The following RPL10 variants were observed in gnomAD, a reference collection of about 807,000 sequenced individuals.
The protein encoded by RPL10 is large ribosomal subunit protein uL16.
Under a neutral mutation model 15.7 loss-of-function variants are expected in RPL10, and 1 was observed. The ratio of observed to expected loss-of-function variants is 0.06; its 90% CI spans 0.02 to 0.30. The LOEUF (loss-of-function observed/expected upper bound fraction) is 0.30. RPL10 is among the 10% of genes least tolerant of loss of function. The probability of loss-of-function intolerance (pLI) is 1.00; values close to 1 mark genes in which losing one functional copy is unlikely to be tolerated. For missense variants in RPL10, 54 were observed against 183.4 expected (o/e 0.29, Z 4.08); for synonymous variants, 59 against 64.0 (o/e 0.92, Z 0.37).
Position 154,401,753 on chromosome X carries a change from A to G in RPL10, c.*899A>G, listed in dbSNP as rs782113490. On this transcript the variant is annotated 3_prime_UTR_variant, in exon 7 of 7. Transcript: ENST00000369817. ...TTTTTTGTAATCTCAGTTTACAGCC[A>G]TTTCTTAGGTTTTTAATTACCTTTA... is the stretch of plus-strand genomic sequence containing the variant. 9.0e-5 allele frequency: 10 copies of G among 111,494 alleles called. No individual in the cohort carries two copies. Among genetic ancestry groups the G allele is most frequent in the Admixed American group, 5.7e-4 (6 of 10,572 alleles). 9.2% of individuals were successfully genotyped at this position (111,494 alleles called of 1,213,427 possible). A position where few individuals can be genotyped will look rare whatever the true frequency, so the allele number is the denominator to read the frequency against.
At position 154,398,451 on chromosome X, in the gene RPL10, A is replaced by G. The variant is rs781883655; in HGVS notation, c.-23-46A>G. ...GCCGTTGCTGGTTCTCACACCTTTT[A>G]GGTCTGTTCTCGTCTTCCGTTCCGA... On this transcript the variant is annotated intron_variant, in intron 1 of 6. Transcript: ENST00000369817. The G allele has an allele frequency of 2.4e-5, 28 of 1,176,011 alleles. 1 individual carries two copies. Among genetic ancestry groups the G allele is most frequent in the Middle Eastern group, 2.3e-4 (1 of 4,294 alleles).
At position 154,399,404 on chromosome X, in the gene RPL10, G is replaced by A. The variant is rs201483785; in HGVS notation, c.82+8G>A. 1 of 1,211,604 alleles carries A rather than the reference G, an allele frequency of 8.3e-7. No individual in the cohort carries two copies. The highest frequency in any genetic ancestry group is 3.0e-5 in the East Asian group (1 of 33,889). On this transcript the variant is annotated splice_region_variant and intron_variant, in intron 3 of 6. Transcript: ENST00000369817. ...TCTGCCGAGGTGTCCCTGGTAAGTA[G>A]TGGAAGAGCCCCTGCACTGGTTGGC...
At position 154,401,083 on chromosome X, in the gene RPL10, G is replaced by T; in HGVS notation, c.*229G>T. 3 of 998,454 alleles carry T rather than the reference G, an allele frequency of 3.0e-6. No homozygotes were observed. Among genetic ancestry groups the T allele is most frequent in the Non-Finnish European group, 1.3e-6 (1 of 748,564 alleles). 82.3% of individuals were successfully genotyped at this position (998,454 alleles called of 1,213,427 possible). ...CCTTATGTCAGTTGTCTACTCTGGA[G>T]CTTGACTTGGACCTCCCCAGGTCCT... On this transcript the variant is annotated 3_prime_UTR_variant, in exon 7 of 7. Coordinates refer to ENST00000369817, the MANE Select transcript of RPL10 (RefSeq NM_006013.5).
rs199985882 is a variant in RPL10, at chrX:154,400,907, C to T, written c.*53C>T. The T allele has an allele frequency of 3.8e-4, 462 of 1,207,820 alleles. 1 individual carries two copies. The highest frequency in any genetic ancestry group is 1.4e-3 in the Admixed American group (65 of 45,714). On this transcript the variant is annotated 3_prime_UTR_variant, in exon 7 of 7. Coordinates refer to ENST00000369817, the MANE Select transcript of RPL10 (RefSeq NM_006013.5). ...AATACTCACCAATAAATTCTACTTC[C>T]TGTCCACCTATGTCTTTGTATCTAC...
In RPL10 at chrX:154,402,199, A is replaced by G. The variant is rs138408303; in HGVS notation, c.*1345A>G. 3.7e-3 allele frequency: 455 copies of G among 123,938 alleles called. 3 individuals are homozygous for G. The highest frequency in any genetic ancestry group is 5.8e-3 in the Non-Finnish European group (349 of 60,268). 10.2% of individuals were successfully genotyped at this position (123,938 alleles called of 1,213,427 possible). Reference sequence around the variant, plus strand: ...TTGTTCACCGGATTATAATGAGCCAAAATGTTTCCCGGTGTTTGCTGGTTT... The same window carrying G: ...TTGTTCACCGGATTATAATGAGCCAGAATGTTTCCCGGTGTTTGCTGGTTT... On this transcript the variant is annotated 3_prime_UTR_variant, in exon 7 of 7. Coordinates refer to ENST00000369817, the MANE Select transcript of RPL10 (RefSeq NM_006013.5).
rs1433392457 is a variant in RPL10, at chrX:154,401,594, A to C, written c.*740A>C. On this transcript the variant is annotated 3_prime_UTR_variant, in exon 7 of 7. Transcript: ENST00000369817. ...GAACAGCGCTGGCTTTTGGGGGAGC[A>C]GCAAAAATGAGAGGAGTGCTAGGTG... The C allele has an allele frequency of 8.9e-6, 1 of 112,301 alleles. No individual in the cohort carries two copies. The highest frequency in any genetic ancestry group is 2.8e-4 in the East Asian group (1 of 3,560). The allele number at this position is 112,301 out of a possible 1,213,427, so 9.3% of individuals were successfully genotyped here.
At chrX:154,398,695 T>C in intron 2 of RPL10, 153 bp downstream of exon 2, 1 of 659,308 alleles carries the variant, frequency 1.5e-6, no homozygotes, top group Non-Finnish European at 2.4e-6. Flanking sequence ...CGGCTATTTT[T>C]TAGTCTGCAA....
Position 154,401,090 on chromosome X carries a change from T to G in RPL10, c.*236T>G. On this transcript the variant is annotated 3_prime_UTR_variant, in exon 7 of 7. Coordinates refer to ENST00000369817, the MANE Select transcript of RPL10 (RefSeq NM_006013.5). Reference sequence around the variant, plus strand: ...TCAGTTGTCTACTCTGGAGCTTGACTTGGACCTCCCCAGGTCCTAGGCAGT... The same window carrying G: ...TCAGTTGTCTACTCTGGAGCTTGACGTGGACCTCCCCAGGTCCTAGGCAGT... 1.1e-6 allele frequency: 1 copy of G among 928,807 alleles called. No homozygotes were observed. Among genetic ancestry groups the G allele is most frequent in the Non-Finnish European group, 1.5e-6 (1 of 686,450 alleles). 76.5% of individuals were successfully genotyped at this position (928,807 alleles called of 1,213,427 possible). A position where few individuals can be genotyped will look rare whatever the true frequency, so the allele number is the denominator to read the frequency against.
intron 2 of RPL10, among the ~76,000 whole-genome samples, chrX:154,399,136 G>T (rs782576284): frequency 8.9e-6 from 1 of 112,449 alleles, no homozygotes; most frequent in Admixed American, 9.4e-5. Flanking sequence ...GGTGTCTGTT[G>T]TTTCTAGTCT....
upstream of RPL10, chrX:154,398,369 A>T (rs781837630): frequency 4.3e-6 from 3 of 702,951 alleles, no homozygotes; most frequent in Admixed American, 2.2e-5. Flanking sequence ...GCGCAGGCGG[A>T]GGAGCGCCTC....
chrX:154,399,493 A>G lies in RPL10; in HGVS notation c.89A>G (p.Lys30Arg). 1 of 1,212,047 alleles carries G rather than the reference A, an allele frequency of 8.3e-7. No individual in the cohort carries two copies. The highest frequency in any genetic ancestry group is 1.1e-6 in the Non-Finnish European group (1 of 895,533). Residue 30 changes from lysine to arginine, a missense_variant, in exon 4 of 7, where the codon AAG becomes AGG. This residue lies in a region of RPL10 where 22 missense variants were observed against 73.0 expected (regional missense o/e 0.30). Transcript: ENST00000369817. ...ACTTACCCAATCCTTTTAGATGCCA[A>G]GATTCGCATTTTTGACCTGGGGCGG... Reference protein sequence around the residue: ...SRFCRGVPDAKIRIFDLGRKK... With the variant: ...SRFCRGVPDARIRIFDLGRKK...
intron 4 of RPL10, 79 bp downstream of exon 4, chrX:154,399,673 G>T: frequency 8.7e-7 from 1 of 1,155,968 alleles, no homozygotes; most frequent in Non-Finnish European, 1.2e-6. Flanking sequence ...CACTGCACTG[G>T]AATTGGGAGT....
At chrX:154,400,260 T>C (rs782666718) in intron 5 of RPL10, 15 of 579,477 alleles carry the variant, frequency 2.6e-5, no homozygotes, top group African/African-American at 2.4e-4. Flanking sequence ...GTGGCGCCTT[T>C]TCAGTGGTTC....
chrX:154,398,689 T>C (rs2067960600), intron 2 of RPL10, 147 bp downstream of exon 2: 1 of 684,913 alleles, frequency 1.5e-6, no homozygotes, highest in Admixed American at 2.6e-5. Flanking sequence ...ACCTCCCGGC[T>C]ATTTTTTAGT....
Position 154,399,545 on chromosome X carries a change from G to A in RPL10, c.141G>A (p.Pro47=), listed in dbSNP as rs782162813. The A allele has an allele frequency of 4.1e-6, 5 of 1,211,613 alleles. No homozygotes were observed. Among genetic ancestry groups the A allele is most frequent in the Admixed American group, 2.2e-5 (1 of 46,002 alleles). The change falls in exon 4 of 7, where the codon CCG becomes CCA. Residue 47 remains proline (P), a synonymous_variant. Transcript: ENST00000369817. Reference sequence around the variant, plus strand: ...AAAAGGCAAAAGTGGATGAGTTTCCGCTTTGTGGCCACATGGTGTCAGATG... The same window carrying A: ...AAAAGGCAAAAGTGGATGAGTTTCCACTTTGTGGCCACATGGTGTCAGATG... ...GRKKAKVDEF[P]LCGHMVSDEY...
intron 5 of RPL10, 109 bp from the exon 6 acceptor site, chrX:154,400,355 C>T: frequency 1.2e-6 from 1 of 862,115 alleles, no homozygotes; most frequent in Non-Finnish European, 1.7e-6. Flanking sequence ...CAGCAGCTTC[C>T]TTGGTAGTGT....
Position 154,399,541 on chromosome X carries a change from T to G in RPL10, c.137T>G (p.Phe46Cys). The stretch of plus-strand genomic sequence containing the variant: ...CGGAAAAAGGCAAAAGTGGATGAGT[T>G]TCCGCTTTGTGGCCACATGGTGTCA... The part of the protein sequence containing the change: ...LGRKKAKVDE[F>C]PLCGHMVSDE... The change falls in exon 4 of 7, where the codon TTT becomes TGT. Residue 46 changes from phenylalanine (F) to cysteine (C), a missense_variant. Transcript: ENST00000369817. 1 of 1,211,686 alleles carries G rather than the reference T, an allele frequency of 8.3e-7. No individual in the cohort carries two copies. The highest frequency in any genetic ancestry group is 1.1e-6 in the Non-Finnish European group (1 of 895,498).
chrX:154,399,652 C>T, intron 4 of RPL10, 58 bp downstream of exon 4: 1 of 1,159,986 alleles, frequency 8.6e-7, no homozygotes, highest in South Asian at 1.8e-5. Context: ...TCCCTCAACC[C>T]CACCCACATA....
chrX:154,398,476 ACT>A lies in RPL10; in HGVS notation c.-23-14_-23-13del, dbSNP rs782025113. The stretch of plus-strand genomic sequence containing the variant: ...AGGTCTGTTCTCGTCTTCCGTTCCG[ACT>A]CTCTCTTTTTCGTTGCAGCCACTGA... On this transcript the variant is annotated intron_variant, in intron 1 of 6. Transcript: ENST00000369817. 2.1e-5 allele frequency: 25 copies of A among 1,204,774 alleles called. No individual in the cohort carries two copies. The highest frequency in any genetic ancestry group is 1.2e-4 in the East Asian group (4 of 33,687).
Sources: gnomAD v4.1 joint callset for allele counts (sites outside exome capture counted in the v4.1 genomes callset) on GRCh38, gnomAD v4.1.1 for gene constraint, gnomAD v4.1.1 regional missense constraint, MANE v1.5 for transcripts, NCBI Gene and HGNC (gene_info 2026-07-23, HGNC 2026-07-21) for gene names.